The following PGAP1 variants were observed in gnomAD, a reference collection of about 807,000 sequenced individuals.
PGAP1 encodes the protein post-GPI attachment to proteins inositol deacylase 1.
Under a neutral mutation model 127.0 loss-of-function variants are expected in PGAP1, and 76 were observed. The observed-to-expected ratio is 0.60, with a 90% CI of 0.50 to 0.72. The LOEUF (loss-of-function observed/expected upper bound fraction) is 0.72, where lower values mean the gene tolerates loss of function less well. PGAP1 is among the 30% of genes least tolerant of loss of function. The pLI, the probability that PGAP1 is intolerant of heterozygous loss-of-function variation, is 0.00. For missense variants in PGAP1, 982 were observed against 1,071.3 expected (o/e 0.92, Z 1.16); for synonymous variants, 362 against 366.5 (o/e 0.99, Z 0.14).
chr2:196,903,947 ATTAAAGATCTCAGCAG>A (rs1185636228), intron 4 of PGAP1, among the ~76,000 whole-genome samples: 1 of 152,206 alleles, frequency 6.6e-6, no homozygotes, highest in Non-Finnish European at 1.5e-5. Flanking sequence ...AGCTGCCCCC[ATTAAAGATCTCAGCAG>A]TACTTACTTA....
chr2:196,865,193 T>C, intron 19 of PGAP1, 113 bp from the exon 20 acceptor site: 1 of 581,336 alleles, frequency 1.7e-6, no homozygotes, highest in South Asian at 2.4e-5. Context: ...GCTACAAAGA[T>C]ATTTCCAGTA....
chr2:196,901,006 T>TAC (rs1022540921), intron 5 of PGAP1, among the ~76,000 whole-genome samples: 12 of 152,244 alleles, frequency 7.9e-5, no homozygotes, highest in African/African-American at 2.9e-4. Context: ...CACCCATGCC[T>TAC]ACACACACAC....
rs139600486 is a variant in PGAP1 at position 196,846,563 on chromosome 2, G to C, written c.2150+440C>G. 2.7e-3 allele frequency among the ~76,000 whole-genome samples: 418 copies of C among 152,238 alleles called. 1 individual carries two copies. Among genetic ancestry groups the C allele is most frequent in the African/African-American group, 9.4e-3 (389 of 41,544 alleles). The stretch of plus-strand genomic sequence containing the variant: ...CTACCAGTAACTTCAGATTCAAACT[G>C]TGTCATTGGGCCCATAATAAAACTC... On this transcript the variant is annotated intron_variant, in intron 22 of 26. Coordinates refer to ENST00000354764, the MANE Select transcript of PGAP1 (RefSeq NM_024989.4).
rs182393188 is a variant in PGAP1 at position 196,872,443 on chromosome 2, C to T, written c.1726G>A (p.Glu576Lys). ...KMYTSSDCRY[E>K]VTVKTSFSQI... Reference sequence around the variant, plus strand: ...AATTAATCAAACATACAACTTACCTCGTACCGACAGTCTGATGACGTGTAC... The same window carrying T: ...AATTAATCAAACATACAACTTACCTTGTACCGACAGTCTGATGACGTGTAC... The change falls in exon 18 of 27, where the codon GAG (glutamate) becomes AAG (lysine). Residue 576 changes from glutamate (E) to lysine (K), a missense_variant and splice_region_variant. Physicochemically the swap from Glu to Lys is moderately conservative, Grantham distance 56 (BLOSUM62 1). Transcript: ENST00000354764. 12 of 1,590,590 alleles carry T rather than the reference C, an allele frequency of 7.5e-6. No homozygotes were observed. The highest frequency in any genetic ancestry group is 2.2e-5 in the South Asian group (2 of 90,410).
At chr2:196,891,626 C>G (rs1162888421) in intron 9 of PGAP1, among the ~76,000 whole-genome samples, 1 of 151,968 alleles carries the variant, frequency 6.6e-6, no homozygotes, top group African/African-American at 2.4e-5. Flanking sequence ...AGGTAAGATC[C>G]AAAGATCCAC....
chr2:196,920,077 T>G lies in PGAP1; in HGVS notation c.221A>C (p.Tyr74Ser). Residue 74 changes from tyrosine (Y) to serine (S), a missense_variant, in exon 2 of 27, where the codon TAT (tyrosine) becomes TCT (serine). Tyr to Ser is a moderately radical substitution (Grantham distance 144). Transcript: ENST00000354764. Reference protein sequence around the residue: ...YELYLYGEGSYAEEHKILPLT... With the variant: ...YELYLYGEGSSAEEHKILPLT... ...AGGGAGAATTTTGTGTTCTTCAGCA[T>G]AGGATCCCTCTCCATAAAGATACAA... is the stretch of plus-strand genomic sequence containing the variant. 1.2e-6 allele frequency: 2 copies of G among 1,613,516 alleles called. No individual in the cohort carries two copies. Among genetic ancestry groups the G allele is most frequent in the Middle Eastern group, 1.6e-4 (1 of 6,062 alleles).
chr2:196,845,914 T>C lies in PGAP1; in HGVS notation c.2254A>G (p.Ile752Val), dbSNP rs140021567. The C allele has an allele frequency of 1.9e-6, 3 of 1,608,444 alleles. No individual in the cohort carries two copies. The African/African-American group carries it at 4.0e-5, about 21-fold the overall frequency. The change falls in exon 23 of 27, where the codon ATA becomes GTA. Residue 752 changes from isoleucine (I) to valine (V), a missense_variant. Ile to Val is a conservative substitution (Grantham distance 29). Coordinates refer to ENST00000354764, the MANE Select transcript of PGAP1 (RefSeq NM_024989.4). ...VSWTTCGALA[I>V]LLSYLYYVFK... ...ACATAGTAAAGATAAGAAAGAAGTATGGCTAGTGCTCCACAAGTTGTCCAA... is the reference window on the plus strand; with the variant it reads ...ACATAGTAAAGATAAGAAAGAAGTACGGCTAGTGCTCCACAAGTTGTCCAA...
rs1700832756 is a variant in PGAP1 at position 196,854,993 on chromosome 2, T to C, written c.1862-6956A>G. On this transcript the variant is annotated intron_variant, in intron 20 of 26. Coordinates refer to ENST00000354764, the MANE Select transcript of PGAP1 (RefSeq NM_024989.4). ...TTTTTTTGTAGAAACGGGGCCTCCT[T>C]GCCCAGGCTGGTCTCAAACTCCAGA... is the stretch of plus-strand genomic sequence containing the variant. 3.9e-5 allele frequency among the ~76,000 whole-genome samples: 6 copies of C among 151,926 alleles called. No individual in the cohort carries two copies. The South Asian group carries it at 1.2e-3, about 32-fold the overall frequency.
chr2:196,883,605 T>G (rs1393514525), intron 12 of PGAP1, among the ~76,000 whole-genome samples: 1 of 152,190 alleles, frequency 6.6e-6, no homozygotes, highest in Admixed American at 6.5e-5. Context: ...TTCTCAACAA[T>G]GGCCAAGTGT....
chr2:196,876,437 A>G (rs1428871701), intron 13 of PGAP1, among the ~76,000 whole-genome samples: 1 of 152,142 alleles, frequency 6.6e-6, no homozygotes, highest in African/African-American at 2.4e-5. Flanking sequence ...TCAAAAAAGT[A>G]AAACTATAAT....
At chr2:196,846,215 C>T (rs912338161) in intron 22 of PGAP1, among the ~76,000 whole-genome samples, 198 bp from the exon 23 acceptor site, 1 of 152,224 alleles carries the variant, frequency 6.6e-6, no homozygotes, top group Admixed American at 6.5e-5. Flanking sequence ...ATTGTGATAA[C>T]TCCTCTACCA....
At chr2:196,854,464 A>T (rs1700814789) in intron 20 of PGAP1, among the ~76,000 whole-genome samples, 1 of 152,188 alleles carries the variant, frequency 6.6e-6, no homozygotes, top group Admixed American at 6.5e-5. Flanking sequence ...GCTATGTTAA[A>T]TCTTCTTTAA....
Position 196,873,752 on chromosome 2 carries a change from G to A in PGAP1, c.1433C>T (p.Ser478Phe). ...PVTHLFSFGL[S>F]SRKVVLNTNG... ...TGTATTTAACACCACTTTCCTTGAAGACAATCCTGTTGAATTCAAAGTACT... is the reference window on the plus strand; with the variant it reads ...TGTATTTAACACCACTTTCCTTGAAAACAATCCTGTTGAATTCAAAGTACT... The change falls in exon 15 of 27, where the codon TCT (serine) becomes TTT (phenylalanine). Residue 478 changes from serine (S) to phenylalanine (F), a missense_variant. Physicochemically the swap from Ser to Phe is radical, Grantham distance 155 (BLOSUM62 -2). Transcript: ENST00000354764. 1 of 1,606,320 alleles carries A rather than the reference G, an allele frequency of 6.2e-7. No individual in the cohort carries two copies. The highest frequency in any genetic ancestry group is 8.5e-7 in the Non-Finnish European group (1 of 1,173,252).
At chr2:196,855,771 T>A (rs974273530) in intron 20 of PGAP1, among the ~76,000 whole-genome samples, 1 of 152,172 alleles carries the variant, frequency 6.6e-6, no homozygotes, top group Non-Finnish European at 1.5e-5. Flanking sequence ...GATTTTTTTT[T>A]ATAAGTCCAA....
chr2:196,917,583 A>G (rs1576202669), intron 2 of PGAP1, among the ~76,000 whole-genome samples: 1 of 152,146 alleles, frequency 6.6e-6, no homozygotes, highest in Non-Finnish European at 1.5e-5. Context: ...TATTTTGGAT[A>G]TCTCATATAA....
At chr2:196,843,860 A>T in intron 25 of PGAP1, 28 bp downstream of exon 25, 1 of 1,373,920 alleles carries the variant, frequency 7.3e-7, no homozygotes, top group Non-Finnish European at 9.7e-7. Flanking sequence ...TGAACCACAT[A>T]AACAATAATT....
intron 21 of PGAP1, 33 bp from the exon 22 acceptor site, chr2:196,847,233 C>A (rs1343414868): frequency 1.3e-6 from 2 of 1,519,800 alleles, no homozygotes; most frequent in Non-Finnish European, 1.8e-6. Context: ...AAGCAAAAAA[C>A]CCAACAACTG....
Position 196,873,738 on chromosome 2 carries a change from CCA to C in PGAP1, c.1445_1446del (p.Val482GlyfsTer24). 1 of 1,611,194 alleles carries C rather than the reference CCA, an allele frequency of 6.2e-7. No individual in the cohort carries two copies. The highest frequency in any genetic ancestry group is 1.7e-5 in the Admixed American group (1 of 59,988). On this transcript the variant is annotated frameshift_variant, in exon 15 of 27. Transcript: ENST00000354764. LOFTEE classifies it high-confidence loss of function. ...TAGTATAGGCCATTTGTATTTAACA[CCA>C]CTTTCCTTGAAGACAATCCTGTTGA... is the stretch of plus-strand genomic sequence containing the variant. ...LFSFGLSSRK[V>X]VLNTNGLYYN... is the part of the protein sequence containing the mutation.
intron 1 of PGAP1, among the ~76,000 whole-genome samples, chr2:196,925,608 T>C (rs948462498): frequency 6.6e-6 from 1 of 152,124 alleles, no homozygotes; most frequent in African/African-American, 2.4e-5. Flanking sequence ...AACGAAGCCA[T>C]TGATTGAAAA....
Sources: allele counts gnomAD v4.1 joint callset (sites outside exome capture counted in the v4.1 genomes callset), GRCh38; gene constraint gnomAD v4.1.1; transcripts MANE v1.5; gene names NCBI Gene and HGNC (gene_info 2026-07-23, HGNC 2026-07-21).